The following TNFSF4 variants were observed in gnomAD, a reference collection of about 807,000 sequenced individuals.
TNFSF4 encodes the protein TNF superfamily member 4.
Under a neutral mutation model 7.3 loss-of-function variants are expected in TNFSF4, and 4 were observed. That is an observed-to-expected ratio of 0.55 (90% CI 0.27 to 1.25). The LOEUF (loss-of-function observed/expected upper bound fraction) is 1.25, where lower values mean the gene tolerates loss of function less well. Ranked by LOEUF, TNFSF4 falls within the 50% of genes most tolerant of loss-of-function variation. The probability of loss-of-function intolerance (pLI) is 0.12; values close to 1 mark genes in which losing one functional copy is unlikely to be tolerated. For synonymous variants in TNFSF4, 76 were observed against 83.7 expected, an observed-to-expected ratio of 0.91 and a Z score of 0.50; for missense variants, 181 against 208.8, an observed-to-expected ratio of 0.87 and a Z score of 0.82.
chr1:173,317,271 GT>G, the TNFSF4 span, among the ~76,000 whole-genome samples: 1 of 152,176 alleles, frequency 6.6e-6, no homozygotes, highest in African/African-American at 2.4e-5. Flanking sequence ...TCAACACCAT[GT>G]TAAATATGCT....
upstream of TNFSF4, chr1:173,207,443 T>C (rs1353777688): frequency 3.0e-5 from 9 of 302,838 alleles, no homozygotes; most frequent in South Asian, 4.0e-4. Flanking sequence ...TTTTTTTTTT[T>C]CCTCTGGGCT....
chr1:173,388,707 A>G, the TNFSF4 span, among the ~76,000 whole-genome samples: 4 of 152,380 alleles, frequency 2.6e-5, no homozygotes, highest in African/African-American at 9.6e-5. Flanking sequence ...TTTGTTTTAC[A>G]AAACATAATT....
chr1:173,371,449 G>C, the TNFSF4 span, among the ~76,000 whole-genome samples: 2 of 152,106 alleles, frequency 1.3e-5, 1 homozygote, highest in Non-Finnish European at 2.9e-5. Flanking sequence ...TGAAGTCTGG[G>C]CATTGGTAGG....
chr1:173,384,118 A>AT, the TNFSF4 span, among the ~76,000 whole-genome samples: 1 of 152,224 alleles, frequency 6.6e-6, no homozygotes, highest in African/African-American at 2.4e-5. Flanking sequence ...TTTTCAGTAC[A>AT]TTCATTCATT....
At chr1:173,444,944 C>A in the TNFSF4 span, among the ~76,000 whole-genome samples, 1 of 152,190 alleles carries the variant, frequency 6.6e-6, no homozygotes, top group Non-Finnish European at 1.5e-5. Context: ...CAGGCTTTAC[C>A]CGCTCAGCCA....
At chr1:173,219,472 G>A in the TNFSF4 span, among the ~76,000 whole-genome samples, 2 of 152,106 alleles carry the variant, frequency 1.3e-5, no homozygotes, top group East Asian at 3.9e-4. Flanking sequence ...AACTAGTAGA[G>A]ATTCCGTAAA....
At chr1:173,288,983 A>C in the TNFSF4 span, among the ~76,000 whole-genome samples, 1 of 152,098 alleles carries the variant, frequency 6.6e-6, no homozygotes, top group African/African-American at 2.4e-5. Flanking sequence ...CCTACTCTTG[A>C]TTTCCACCTG....
the TNFSF4 span, among the ~76,000 whole-genome samples, chr1:173,281,432 C>A: frequency 6.6e-6 from 1 of 152,054 alleles, no homozygotes. Context: ...AAGATGAGAG[C>A]AAGAACATGG....
At chr1:173,296,250 A>T in the TNFSF4 span, among the ~76,000 whole-genome samples, 1 of 152,000 alleles carries the variant, frequency 6.6e-6, no homozygotes, top group East Asian at 1.9e-4. Context: ...ACCAAAGGTG[A>T]TGTCATCAAG....
intron 1 of TNFSF4, among the ~76,000 whole-genome samples, chr1:173,193,272 GGGCTT>G (rs1373622223): frequency 6.6e-6 from 1 of 152,012 alleles, no homozygotes; most frequent in African/African-American, 2.4e-5. Context: ...AAGGGCCAGG[GGGCTT>G]CCATCTAAGC....
At chr1:173,210,556 C>T (rs905840431), upstream of TNFSF4, among the ~76,000 whole-genome samples, 18 of 152,082 alleles carry the variant, frequency 1.2e-4, no homozygotes, top group Admixed American at 8.5e-4. Flanking sequence ...CGTAAATGGA[C>T]TTTTGTTACA....
the TNFSF4 span, among the ~76,000 whole-genome samples, chr1:173,416,789 G>C: frequency 6.6e-6 from 1 of 151,798 alleles, no homozygotes; most frequent in Non-Finnish European, 1.5e-5. Context: ...TAGAGACAGG[G>C]TTTCGCCATG....
the TNFSF4 span, among the ~76,000 whole-genome samples, chr1:173,428,888 T>G: frequency 6.6e-6 from 1 of 152,050 alleles, no homozygotes; most frequent in African/African-American, 2.4e-5. Flanking sequence ...GTGCCTGTAA[T>G]CCCAGCTATT....
the TNFSF4 span, among the ~76,000 whole-genome samples, chr1:173,336,494 A>G: frequency 2.6e-5 from 4 of 152,132 alleles, no homozygotes; most frequent in African/African-American, 9.7e-5. Context: ...CTCTATATCT[A>G]TTATCTAGGA....
the TNFSF4 span, among the ~76,000 whole-genome samples, chr1:173,272,567 T>C: frequency 6.6e-4 from 101 of 152,252 alleles, no homozygotes; most frequent in Non-Finnish European, 7.4e-5. Context: ...AGGAACATTG[T>C]CATGGTGAAA....
the TNFSF4 span, among the ~76,000 whole-genome samples, chr1:173,337,473 T>C: frequency 6.6e-6 from 1 of 152,110 alleles, no homozygotes; most frequent in Non-Finnish European, 1.5e-5. Context: ...TACTACCCTC[T>C]CTCTTCTAGT....
At chr1:173,310,801 C>T in the TNFSF4 span, among the ~76,000 whole-genome samples, 4 of 151,494 alleles carry the variant, frequency 2.6e-5, no homozygotes, top group South Asian at 2.1e-4. Context: ...TTAATACTTA[C>T]GTTAATAGGT....
chr1:173,367,931 G>C, the TNFSF4 span, among the ~76,000 whole-genome samples: 1 of 152,154 alleles, frequency 6.6e-6, no homozygotes, highest in Non-Finnish European at 1.5e-5. Context: ...TCTTACAAGA[G>C]GATTGTAAGA....
the TNFSF4 span, chr1:173,174,469 A>G: frequency 6.6e-6 from 1 of 152,172 alleles, no homozygotes; most frequent in Non-Finnish European, 1.5e-5. Flanking sequence ...ACTGCCCGAG[A>G]CTAGGTAATT....
Sources: allele counts gnomAD v4.1 joint callset (sites outside exome capture counted in the v4.1 genomes callset), GRCh38; gene constraint gnomAD v4.1.1; transcripts MANE v1.5; gene names NCBI Gene and HGNC (gene_info 2026-07-23, HGNC 2026-07-21).